SLC4A4: variants seen among roughly 807,000 people sequenced by gnomAD.
SLC4A4 encodes electrogenic sodium bicarbonate cotransporter 1.
A neutral mutation model predicts 111.5 loss-of-function variants in SLC4A4; 27 were observed. The ratio of observed to expected loss-of-function variants is 0.24; its 90% CI spans 0.18 to 0.33. The LOEUF (loss-of-function observed/expected upper bound fraction) is 0.33. SLC4A4 is among the 10% of genes least tolerant of loss of function. The pLI, the probability that SLC4A4 is intolerant of heterozygous loss-of-function variation, is 1.00. For missense variants in SLC4A4, 909 were observed against 1,315.5 expected (o/e 0.69, Z 4.78); for synonymous variants, 443 against 463.4 (o/e 0.96, Z 0.57).
At chr4:71,387,893 A>T (rs1236535293) in intron 6 of SLC4A4, among the ~76,000 whole-genome samples, 1 of 151,412 alleles carries the variant, frequency 6.6e-6, no homozygotes, top group Non-Finnish European at 1.5e-5. Flanking sequence ...GTCTACATAT[A>T]TATGGAAGAG....
upstream of SLC4A4, among the ~76,000 whole-genome samples, chr4:71,183,027 A>T (rs1745341489): frequency 6.6e-6 from 1 of 152,208 alleles, no homozygotes. Context: ...TGTTGATACC[A>T]TTTCTGAAAG....
intron 3 of SLC4A4, among the ~76,000 whole-genome samples, chr4:71,278,212 C>T (rs558250510): frequency 5.3e-5 from 8 of 151,368 alleles, no homozygotes; most frequent in African/African-American, 1.9e-4. Context: ...CTTTCTCTTT[C>T]TTACTTATTT....
At chr4:71,418,908 A>C (rs565990965) in intron 7 of SLC4A4, among the ~76,000 whole-genome samples, 53 of 152,244 alleles carry the variant, frequency 3.5e-4, no homozygotes, top group African/African-American at 1.2e-3. Context: ...TTTCCTTCTA[A>C]CAGACAGGAC....
intron 1 of SLC4A4, among the ~76,000 whole-genome samples, chr4:71,069,125 T>C (rs1436591164): frequency 6.6e-6 from 1 of 152,222 alleles, no homozygotes; most frequent in Admixed American, 6.5e-5. Context: ...AAGAGAATCA[T>C]TATTTTTTTC....
intron 1 of SLC4A4, among the ~76,000 whole-genome samples, chr4:71,220,551 C>T (rs1020061891): frequency 6.6e-6 from 1 of 152,040 alleles, no homozygotes; most frequent in African/African-American, 2.4e-5. Context: ...GTCTAATACC[C>T]AATTAATATC....
chr4:71,286,828 C>T (rs1394047831), intron 3 of SLC4A4, among the ~76,000 whole-genome samples: 3 of 152,118 alleles, frequency 2.0e-5, no homozygotes, highest in African/African-American at 7.2e-5. Flanking sequence ...ATGTGCCAGG[C>T]ACTATGTTGT....
In SLC4A4 at chr4:71,065,311, G is replaced by A. The variant is rs184134749; in HGVS notation, c.-65+2523G>A. ...GATTGTACTGTTAAGTTAATGAAGG[G>A]TAGGGGGTATTTTGCCCATCGTCAT... On this transcript the variant is annotated intron_variant, in intron 1 of 26. Coordinates refer to the SLC4A4 transcript ENST00000649996. Among the ~76,000 whole-genome samples the A allele has an allele frequency of 4.0e-3, 597 of 149,592 alleles. 3 individuals carry two copies. Among genetic ancestry groups the A allele is most frequent in the Non-Finnish European group, 6.6e-3 (439 of 66,454 alleles).
chr4:71,469,178 C>A (rs1478768967), intron 13 of SLC4A4, among the ~76,000 whole-genome samples: 1 of 151,840 alleles, frequency 6.6e-6, no homozygotes, highest in Admixed American at 6.6e-5. Flanking sequence ...TAGATTCCTT[C>A]TTTTTACTTG....
intron 3 of SLC4A4, among the ~76,000 whole-genome samples, chr4:71,313,683 T>G (rs938742196): frequency 1.3e-5 from 2 of 152,210 alleles, no homozygotes; most frequent in Non-Finnish European, 2.9e-5. Context: ...GATTCCCTAT[T>G]TAATAAACGG....
intron 3 of SLC4A4, among the ~76,000 whole-genome samples, chr4:71,282,396 C>G (rs571115519): frequency 6.6e-6 from 1 of 151,780 alleles, no homozygotes; most frequent in East Asian, 1.9e-4. Context: ...AGTGATACTT[C>G]TGCTTCAGCC....
intron 8 of SLC4A4, among the ~76,000 whole-genome samples, chr4:71,442,298 C>A (rs2149061292): frequency 6.6e-6 from 1 of 152,172 alleles, no homozygotes; most frequent in Admixed American, 6.5e-5. Context: ...GATGGTAGGG[C>A]TAGTGTAGAG....
intron 2 of SLC4A4, among the ~76,000 whole-genome samples, chr4:71,174,207 C>T: frequency 6.6e-6 from 1 of 150,608 alleles, no homozygotes; most frequent in East Asian, 1.9e-4. Flanking sequence ...TGTTTTATGA[C>T]AAAAGAGATT....
chr4:71,172,534 G>A (rs1361761212), intron 2 of SLC4A4, among the ~76,000 whole-genome samples: 4 of 152,324 alleles, frequency 2.6e-5, no homozygotes, highest in Middle Eastern at 3.4e-3. Flanking sequence ...GATTACAGGC[G>A]TGAGCCACCG....
chr4:71,138,796 G>C (rs1743914448), intron 2 of SLC4A4, among the ~76,000 whole-genome samples: 1 of 152,074 alleles, frequency 6.6e-6, no homozygotes, highest in South Asian at 2.1e-4. Flanking sequence ...CAGCACTTTG[G>C]GAGGCCAAGG....
intron 6 of SLC4A4, among the ~76,000 whole-genome samples, chr4:71,382,871 G>A (rs1718288295): frequency 6.6e-6 from 1 of 152,180 alleles, no homozygotes; most frequent in African/African-American, 2.4e-5. Flanking sequence ...GAAAGTTCTA[G>A]TAGTGCTGTA....
chr4:71,428,527 C>T (rs994277033), intron 7 of SLC4A4, among the ~76,000 whole-genome samples: 3 of 151,832 alleles, frequency 2.0e-5, no homozygotes, highest in African/African-American at 4.8e-5. Flanking sequence ...AATGGAAGGT[C>T]GTGGAATTGG....
chr4:71,522,330 A>G (rs1733022283), intron 16 of SLC4A4, among the ~76,000 whole-genome samples: 1 of 152,202 alleles, frequency 6.6e-6, no homozygotes, highest in Admixed American at 6.5e-5. Flanking sequence ...TTAACATGAA[A>G]TGTTCTTCCA....
intron 7 of SLC4A4, among the ~76,000 whole-genome samples, chr4:71,420,501 C>A (rs1722343948): frequency 6.6e-6 from 1 of 151,912 alleles, no homozygotes; most frequent in Admixed American, 6.6e-5. Context: ...CAAAGATACT[C>A]CTCGAGAAGA....
chr4:71,279,481 T>C (rs1394163011), intron 3 of SLC4A4, among the ~76,000 whole-genome samples: 1 of 152,204 alleles, frequency 6.6e-6, no homozygotes, highest in Non-Finnish European at 1.5e-5. Flanking sequence ...TATGTATATA[T>C]ACATATATCC....
Sources: allele counts gnomAD v4.1 joint callset (sites outside exome capture counted in the v4.1 genomes callset), GRCh38; gene constraint gnomAD v4.1.1; transcripts MANE v1.5; gene names NCBI Gene and HGNC (gene_info 2026-07-23, HGNC 2026-07-21).